The following OR52W1 variants were observed in gnomAD, a reference collection of about 807,000 sequenced individuals.
The protein encoded by OR52W1 is olfactory receptor family 52 subfamily W member 1.
For synonymous variants in OR52W1, 158 were observed against 165.1 expected (o/e 0.96, Z 0.33); for missense variants, 418 against 391.9 (o/e 1.07, Z -0.56).
rs751956437 is a variant in OR52W1, at chr11:6,199,517, A to G, written c.294A>G (p.Pro98=). 6.2e-7 allele frequency: 1 copy of G among 1,614,192 alleles called. No individual in the cohort carries two copies. Among genetic ancestry groups the G allele is most frequent in the South Asian group, 1.1e-5 (1 of 91,082 alleles). Residue 98 remains proline, a synonymous_variant, in exon 1 of 1, where the codon CCA becomes CCG. Coordinates refer to ENST00000311352, the MANE Select transcript of OR52W1 (RefSeq NM_001005178.1). Reference sequence around the variant, plus strand: ...TGTGGCTTGGGCCCCGATCTGTGCCATATGCTGTGTGCCTGGTCCAGATGT... The same window carrying G: ...TGTGGCTTGGGCCCCGATCTGTGCCGTATGCTGTGTGCCTGGTCCAGATGT... ...AVLWLGPRSV[P]YAVCLVQMFF... is the part of the protein sequence containing the mutation.
Position 6,199,903 on chromosome 11 carries a change from C to A in OR52W1, c.680C>A (p.Ala227Asp). The A allele has an allele frequency of 6.2e-7, 1 of 1,613,956 alleles. No individual in the cohort carries two copies. The highest frequency in any genetic ancestry group is 8.5e-7 in the Non-Finnish European group (1 of 1,179,808). The change falls in exon 1 of 1, where the codon GCC becomes GAC. Residue 227 changes from alanine (A) to aspartate (D), a missense_variant. Physicochemically the swap from Ala to Asp is moderately radical, Grantham distance 126. Transcript: ENST00000311352. ...LGITGSYGLI[A>D]HAVLQLPTRE... ...ATCACTGGCTCCTATGGACTCATTG[C>A]CCATGCTGTGCTGCAGCTACCTACC...
chr11:6,199,630 A>C lies in OR52W1; in HGVS notation c.407A>C (p.His136Pro). The C allele has an allele frequency of 6.2e-7, 1 of 1,614,216 alleles. No individual in the cohort carries two copies. The highest frequency in any genetic ancestry group is 8.5e-7 in the Non-Finnish European group (1 of 1,180,024). Residue 136 changes from histidine (H) to proline (P), a missense_variant, in exon 1 of 1, where the codon CAC becomes CCC. Physicochemically the swap from His to Pro is moderately conservative, Grantham distance 77. Coordinates refer to ENST00000311352, the MANE Select transcript of OR52W1 (RefSeq NM_001005178.1). ...GCTGCGGCAATAGGGCGTCCACTGCACTACCCTGTCCTGGTCACCAAAGCC... is the reference window on the plus strand; with the variant it reads ...GCTGCGGCAATAGGGCGTCCACTGCCCTACCCTGTCCTGGTCACCAAAGCC... ...DRAAAIGRPL[H>P]YPVLVTKACV...
rs778493782 is a variant in OR52W1 at position 6,199,467 on chromosome 11, A to G, written c.244A>G (p.Ile82Val). ...CACAGACCTGGGCTTAGCCACATCTATAGCCCCAGGGTTGCTGGCTGTGCT... is the reference window on the plus strand; with the variant it reads ...CACAGACCTGGGCTTAGCCACATCTGTAGCCCCAGGGTTGCTGGCTGTGCT... ...AATDLGLATS[I>V]APGLLAVLWL... Residue 82 changes from isoleucine (I) to valine (V), a missense_variant, in exon 1 of 1, where the codon ATA (isoleucine) becomes GTA (valine). Physicochemically the swap from Ile to Val is conservative, Grantham distance 29. Coordinates refer to ENST00000311352, the MANE Select transcript of OR52W1 (RefSeq NM_001005178.1). 3.6e-5 allele frequency: 58 copies of G among 1,614,096 alleles called. No individual in the cohort carries two copies. Among genetic ancestry groups the G allele is most frequent in the Non-Finnish European group, 2.8e-5 (33 of 1,180,046 alleles).
chr11:6,199,471 C>A lies in OR52W1; in HGVS notation c.248C>A (p.Ala83Asp), dbSNP rs1388714943. The change falls in exon 1 of 1, where the codon GCC (alanine) becomes GAC (aspartate). Residue 83 changes from alanine to aspartate, a missense_variant. Ala to Asp is a moderately radical substitution (Grantham distance 126). Coordinates refer to ENST00000311352, the MANE Select transcript of OR52W1 (RefSeq NM_001005178.1). ...ATDLGLATSI[A>D]PGLLAVLWLG... ...GACCTGGGCTTAGCCACATCTATAG[C>A]CCCAGGGTTGCTGGCTGTGCTGTGG... is the stretch of plus-strand genomic sequence containing the variant. 1 of 1,614,244 alleles carries A rather than the reference C, an allele frequency of 6.2e-7. No homozygotes were observed. The highest frequency in any genetic ancestry group is 8.5e-7 in the Non-Finnish European group (1 of 1,180,032).
Position 6,200,064 on chromosome 11 carries a change from C to T in OR52W1, c.841C>T (p.Leu281Phe), listed in dbSNP as rs1846911249. Residue 281 changes from leucine (L) to phenylalanine (F), a missense_variant, in exon 1 of 1, where the codon CTT (leucine) becomes TTT (phenylalanine). By Grantham distance (22) the Leu-to-Phe change is conservative. Transcript: ENST00000311352. ...CACTGTCCCAAAGCCTGTGCACATC[C>T]TTCTCTCCAACATCTACTTGCTGCT... The part of the protein sequence containing the change: ...HHTVPKPVHI[L>F]LSNIYLLLPP... The T allele has an allele frequency of 2.5e-6, 4 of 1,614,058 alleles. 1 individual carries two copies. The highest frequency in any genetic ancestry group is 3.4e-6 in the Non-Finnish European group (4 of 1,180,036).
Position 6,199,627 on chromosome 11 carries a change from T to C in OR52W1, c.404T>C (p.Leu135Pro). 6.2e-7 allele frequency: 1 copy of C among 1,614,218 alleles called. No homozygotes were observed. Among genetic ancestry groups the C allele is most frequent in the Non-Finnish European group, 8.5e-7 (1 of 1,180,020 alleles). Reference sequence around the variant, plus strand: ...CGTGCTGCGGCAATAGGGCGTCCACTGCACTACCCTGTCCTGGTCACCAAA... The same window carrying C: ...CGTGCTGCGGCAATAGGGCGTCCACCGCACTACCCTGTCCTGGTCACCAAA... ...CDRAAAIGRPLHYPVLVTKAC... is the reference protein window; with the variant it reads ...CDRAAAIGRPPHYPVLVTKAC... The change falls in exon 1 of 1, where the codon CTG (leucine) becomes CCG (proline). Residue 135 changes from leucine (L) to proline (P), a missense_variant. Coordinates refer to ENST00000311352, the MANE Select transcript of OR52W1 (RefSeq NM_001005178.1).
Position 6,199,269 on chromosome 11 carries a change from T to C in OR52W1, c.46T>C (p.Phe16Leu). The C allele has an allele frequency of 6.2e-7, 1 of 1,613,998 alleles. No individual in the cohort carries two copies. ...CAATTCCACCTTCCTACACCCAAAC[T>C]TCTTCATACTGACTGGCTTTCCAGG... The part of the protein sequence containing the change: ...QLNSTFLHPN[F>L]FILTGFPGLG... The change falls in exon 1 of 1, where the codon TTC becomes CTC. Residue 16 changes from phenylalanine to leucine, a missense_variant. Transcript: ENST00000311352.
chr11:6,199,549 T>C lies in OR52W1; in HGVS notation c.326T>C (p.Val109Ala). 1.2e-6 allele frequency: 2 copies of C among 1,614,258 alleles called. No individual in the cohort carries two copies. Among genetic ancestry groups the C allele is most frequent in the South Asian group, 2.2e-5 (2 of 91,084 alleles). Residue 109 changes from valine to alanine, a missense_variant, in exon 1 of 1, where the codon GTA becomes GCA. Coordinates refer to ENST00000311352, the MANE Select transcript of OR52W1 (RefSeq NM_001005178.1). ...GTGTGCCTGGTCCAGATGTTCTTTG[T>C]ACATGCACTGACTGCCATGGAATCA... Reference protein sequence around the residue: ...YAVCLVQMFFVHALTAMESGV... With the variant: ...YAVCLVQMFFAHALTAMESGV...
chr11:6,199,770 T>C lies in OR52W1; in HGVS notation c.547T>C (p.Tyr183His). The C allele has an allele frequency of 6.2e-7, 1 of 1,614,170 alleles. No homozygotes were observed. Among genetic ancestry groups the C allele is most frequent in the Non-Finnish European group, 8.5e-7 (1 of 1,179,994 alleles). ...HFQAKTIGHTYCAHMAVVELV... is the reference protein window; with the variant it reads ...HFQAKTIGHTHCAHMAVVELV... ...CCAAGCCAAGACCATAGGCCATACC[T>C]ATTGTGCACACATGGCAGTGGTAGA... The change falls in exon 1 of 1, where the codon TAT (tyrosine) becomes CAT (histidine). Residue 183 changes from tyrosine to histidine, a missense_variant. Coordinates refer to ENST00000311352, the MANE Select transcript of OR52W1 (RefSeq NM_001005178.1).
chr11:6,199,583 T>C lies in OR52W1; in HGVS notation c.360T>C (p.Leu120=), dbSNP rs1338377284. ...TGACTGCCATGGAATCAGGTGTGCT[T>C]TTGGCCATGGCCTGTGATCGTGCTG... ...HALTAMESGV[L]LAMACDRAAA... is the part of the protein sequence containing the mutation. The change falls in exon 1 of 1, where the codon CTT becomes CTC. Residue 120 remains leucine, a synonymous_variant. Transcript: ENST00000311352. The C allele has an allele frequency of 3.1e-6, 5 of 1,614,126 alleles. No individual in the cohort carries two copies. The African/African-American group carries it at 6.7e-5, about 22-fold the overall frequency.
In OR52W1 at chr11:6,199,409, G is replaced by A; in HGVS notation, c.186G>A (p.Gln62=). 6.2e-7 allele frequency: 1 copy of A among 1,614,152 alleles called. No individual in the cohort carries two copies. The highest frequency in any genetic ancestry group is 8.5e-7 in the Non-Finnish European group (1 of 1,179,988). The change falls in exon 1 of 1, where the codon CAG becomes CAA. Residue 62 remains glutamine (Q), a synonymous_variant. Coordinates refer to ENST00000311352, the MANE Select transcript of OR52W1 (RefSeq NM_001005178.1). The stretch of plus-strand genomic sequence containing the variant: ...TGTGGATAGACTCCACACTGCACCA[G>A]CCCATGTTTCTACTGTTGGCCATCC... ...AVVWIDSTLH[Q]PMFLLLAILA...
rs1229259771 is a variant in OR52W1 at position 6,199,870 on chromosome 11, T to C, written c.647T>C (p.Ile216Thr). 3 of 1,614,070 alleles carry C rather than the reference T, an allele frequency of 1.9e-6. No homozygotes were observed. Among genetic ancestry groups the C allele is most frequent in the Non-Finnish European group, 2.5e-6 (3 of 1,180,000 alleles). Reference sequence around the variant, plus strand: ...TCACTGGCCATCTCAGGTATGGATATTCTGGGTATCACTGGCTCCTATGGA... The same window carrying C: ...TCACTGGCCATCTCAGGTATGGATACTCTGGGTATCACTGGCTCCTATGGA... ...ALSLAISGMD[I>T]LGITGSYGLI... is the part of the protein sequence containing the mutation. The change falls in exon 1 of 1, where the codon ATT (isoleucine) becomes ACT (threonine). Residue 216 changes from isoleucine (I) to threonine (T), a missense_variant. Transcript: ENST00000311352.
rs1346389540 is a variant in OR52W1, at chr11:6,199,405, A to C, written c.182A>C (p.His61Pro). Residue 61 changes from histidine (H) to proline (P), a missense_variant, in exon 1 of 1, where the codon CAC becomes CCC. Transcript: ENST00000311352. ...GTGGTGTGGATAGACTCCACACTGC[A>C]CCAGCCCATGTTTCTACTGTTGGCC... ...PAVVWIDSTLHQPMFLLLAIL... is the reference protein window; with the variant it reads ...PAVVWIDSTLPQPMFLLLAIL... 1.5e-5 allele frequency: 24 copies of C among 1,614,000 alleles called. No individual in the cohort carries two copies. Among genetic ancestry groups the C allele is most frequent in the Non-Finnish European group, 1.9e-5 (23 of 1,179,970 alleles).
At position 6,199,548 on chromosome 11, in the gene OR52W1, G is replaced by C. The variant is rs778494352; in HGVS notation, c.325G>C (p.Val109Leu). 2 of 1,614,240 alleles carry C rather than the reference G, an allele frequency of 1.2e-6. No homozygotes were observed. The highest frequency in any genetic ancestry group is 1.1e-5 in the South Asian group (1 of 91,084). Residue 109 changes from valine (V) to leucine (L), a missense_variant, in exon 1 of 1, where the codon GTA (valine) becomes CTA (leucine). Transcript: ENST00000311352. Reference protein sequence around the residue: ...YAVCLVQMFFVHALTAMESGV... With the variant: ...YAVCLVQMFFLHALTAMESGV... The stretch of plus-strand genomic sequence containing the variant: ...TGTGTGCCTGGTCCAGATGTTCTTT[G>C]TACATGCACTGACTGCCATGGAATC...
At position 6,199,464 on chromosome 11, in the gene OR52W1, T is replaced by A; in HGVS notation, c.241T>A (p.Ser81Thr). The A allele has an allele frequency of 6.2e-7, 1 of 1,614,228 alleles. No individual in the cohort carries two copies. The highest frequency in any genetic ancestry group is 8.5e-7 in the Non-Finnish European group (1 of 1,180,040). Reference protein sequence around the residue: ...LAATDLGLATSIAPGLLAVLW... With the variant: ...LAATDLGLATTIAPGLLAVLW... Reference sequence around the variant, plus strand: ...AGCCACAGACCTGGGCTTAGCCACATCTATAGCCCCAGGGTTGCTGGCTGT... The same window carrying A: ...AGCCACAGACCTGGGCTTAGCCACAACTATAGCCCCAGGGTTGCTGGCTGT... Residue 81 changes from serine (S) to threonine (T), a missense_variant, in exon 1 of 1, where the codon TCT (serine) becomes ACT (threonine). Physicochemically the swap from Ser to Thr is moderately conservative, Grantham distance 58 (BLOSUM62 1). Transcript: ENST00000311352.
Position 6,199,249 on chromosome 11 carries a change from C to A in OR52W1, c.26C>A (p.Ser9Tyr). 1 of 1,612,692 alleles carries A rather than the reference C, an allele frequency of 6.2e-7. No homozygotes were observed. Among genetic ancestry groups the A allele is most frequent in the Non-Finnish European group, 8.5e-7 (1 of 1,179,118 alleles). ...ATGGCAGAAACTCTACAACTCAATT[C>A]CACCTTCCTACACCCAAACTTCTTC... is the stretch of plus-strand genomic sequence containing the variant. The part of the protein sequence containing the change: MAETLQLN[S>Y]TFLHPNFFIL... Residue 9 changes from serine (S) to tyrosine (Y), a missense_variant, in exon 1 of 1, where the codon TCC becomes TAC. By Grantham distance (144) the Ser-to-Tyr change is moderately radical (BLOSUM62 -2). Transcript: ENST00000311352.
Position 6,199,809 on chromosome 11 carries a change from AAC to A in OR52W1, c.592_593del (p.Gln198GlyfsTer49). On this transcript the variant is annotated frameshift_variant, in exon 1 of 1. Transcript: ENST00000311352. LOFTEE classifies it low-confidence loss of function (END_TRUNC). ...HMAVVELVVG[N>X]TQATNLYGLA... ...GGCAGTGGTAGAACTGGTGGTGGGT[AAC>A]ACACAGGCCACCAACTTATATGGTC... 6.2e-7 allele frequency: 1 copy of A among 1,614,212 alleles called. No homozygotes were observed. Among genetic ancestry groups the A allele is most frequent in the South Asian group, 1.1e-5 (1 of 91,088 alleles).
rs757214315 is a variant in OR52W1, at chr11:6,199,853, C to T, written c.630C>T (p.Ala210=). Residue 210 remains alanine, a synonymous_variant, in exon 1 of 1, where the codon GCC becomes GCT. Coordinates refer to ENST00000311352, the MANE Select transcript of OR52W1 (RefSeq NM_001005178.1). The part of the protein sequence containing the change: ...TNLYGLALSL[A]ISGMDILGIT... ...TATATGGTCTGGCACTTTCACTGGC[C>T]ATCTCAGGTATGGATATTCTGGGTA... is the stretch of plus-strand genomic sequence containing the variant. The T allele has an allele frequency of 1.2e-6, 2 of 1,614,050 alleles. No homozygotes were observed. The highest frequency in any genetic ancestry group is 1.7e-6 in the Non-Finnish European group (2 of 1,180,000).
At position 6,199,919 on chromosome 11, in the gene OR52W1, GCTAC is replaced by G; in HGVS notation, c.702_705del (p.Thr235GlyfsTer?). On this transcript the variant is annotated frameshift_variant, in exon 1 of 1. Transcript: ENST00000311352. LOFTEE classifies it high-confidence loss of function. ...GACTCATTGCCCATGCTGTGCTGCA[GCTAC>G]CTACCCGGGAGGCCCATGCCAAGGC... 1.2e-6 allele frequency: 2 copies of G among 1,614,166 alleles called. No homozygotes were observed. Among genetic ancestry groups the G allele is most frequent in the Non-Finnish European group, 1.7e-6 (2 of 1,179,996 alleles).
Sources: gnomAD v4.1 joint callset for allele counts on GRCh38, gnomAD v4.1.1 for gene constraint, MANE v1.5 for transcripts, NCBI Gene and HGNC (gene_info 2026-07-23, HGNC 2026-07-21) for gene names.